ATP9B: variants seen among roughly 807,000 people sequenced by gnomAD.
The protein encoded by ATP9B is probable phospholipid-transporting ATPase IIB.
A neutral mutation model predicts 146.1 loss-of-function variants in ATP9B; 110 were observed. The observed-to-expected ratio is 0.75, with a 90% confidence interval of 0.65 to 0.88. The LOEUF is 0.88. Ranked by LOEUF, ATP9B falls within the 40% of genes least tolerant of loss-of-function variation. The probability of loss-of-function intolerance (pLI) is 0.00; values close to 1 mark genes in which losing one functional copy is unlikely to be tolerated. For missense variants in ATP9B, 1,499 were observed against 1,496.4 expected, an observed-to-expected ratio of 1.00 and a Z score of -0.03; for synonymous variants, 604 against 569.7, an observed-to-expected ratio of 1.06 and a Z score of -0.86.
In ATP9B at chr18:79,269,875, T is replaced by C. The variant is rs762212486; in HGVS notation, c.1269-7179T>C. Among the ~76,000 whole-genome samples, 21 of 152,246 alleles carry C rather than the reference T, an allele frequency of 1.4e-4. 1 individual carries two copies. Among genetic ancestry groups the C allele is most frequent in the Non-Finnish European group, 2.2e-4 (15 of 68,040 alleles). Reference sequence around the variant, plus strand: ...CTGGCCTGCGCCTGCTGGCCCTGCCTTCCCTGAGGCGCATCCTTGCCTCCA... The same window carrying C: ...CTGGCCTGCGCCTGCTGGCCCTGCCCTCCCTGAGGCGCATCCTTGCCTCCA... On this transcript the variant is annotated intron_variant, in intron 12 of 29. Coordinates refer to ENST00000426216, the MANE Select transcript of ATP9B (RefSeq NM_198531.5).
intron 15 of ATP9B, among the ~76,000 whole-genome samples, chr18:79,327,536 AGC>A (rs1226793782): frequency 0.021 from 2,856 of 137,906 alleles, 71 homozygotes; most frequent in Non-Finnish European, 0.028. Context: ...CTCCGTGGTT[AGC>A]GTGCTCTCCG....
intron 1 of ATP9B, among the ~76,000 whole-genome samples, chr18:79,077,033 A>G (rs1369742564): frequency 1.3e-5 from 2 of 152,164 alleles, no homozygotes; most frequent in Admixed American, 1.3e-4. Flanking sequence ...AAGTCTGTTC[A>G]TAATTGTCCA....
chr18:79,263,795 T>C (rs1447544879), intron 12 of ATP9B, among the ~76,000 whole-genome samples: 1 of 152,210 alleles, frequency 6.6e-6, no homozygotes, highest in Non-Finnish European at 1.5e-5. Context: ...ATAAGATATC[T>C]AAGAGCAGGC....
chr18:79,157,207 TACAC>T (rs147810207), intron 7 of ATP9B, among the ~76,000 whole-genome samples: 24,380 of 135,108 alleles, frequency 0.18, 2,575 homozygotes, highest in East Asian at 0.34. Flanking sequence ...CTAAAAAAAA[TACAC>T]ACACACACAC....
chr18:79,237,691 G>GTTT lies in ATP9B; in HGVS notation c.1108-15690_1108-15689insTTT, dbSNP rs1568467207. Among the ~76,000 whole-genome samples the GTTT allele has an allele frequency of 6.1e-3, 665 of 109,698 alleles. 7 individuals are homozygous for GTTT. Among genetic ancestry groups the GTTT allele is most frequent in the African/African-American group, 0.018 (599 of 33,472 alleles). 72.0% of individuals were successfully genotyped at this position (109,698 alleles called of 152,430 possible). On this transcript the variant is annotated intron_variant, in intron 11 of 29. Transcript: ENST00000426216. ...TAAGTATTTGACTTTTTTTTTTTTGGGGGGGGGTGGGGGAAGACAAGGTCT... is the reference window on the plus strand; with the variant it reads ...TAAGTATTTGACTTTTTTTTTTTTGGTTTGGGGGGGTGGGGGAAGACAAGGTCT...
At chr18:79,256,662 T>C (rs1222979183) in intron 12 of ATP9B, among the ~76,000 whole-genome samples, 2 of 152,130 alleles carry the variant, frequency 1.3e-5, no homozygotes, top group African/African-American at 2.4e-5. Context: ...TTTACTCTCC[T>C]CTCAATCAAT....
At chr18:79,299,432 A>T (rs1016090196) in intron 13 of ATP9B, among the ~76,000 whole-genome samples, 36 of 152,310 alleles carry the variant, frequency 2.4e-4, no homozygotes, top group Middle Eastern at 3.4e-3. Flanking sequence ...AACCACTAGT[A>T]AATTCATATG....
chr18:79,171,220 A>C (rs1245317682), intron 7 of ATP9B, among the ~76,000 whole-genome samples: 1 of 152,172 alleles, frequency 6.6e-6, no homozygotes, highest in East Asian at 1.9e-4. Flanking sequence ...TTTAAATCTG[A>C]TTGTTGCTTC....
At chr18:79,280,459 G>A (rs933653701) in intron 13 of ATP9B, among the ~76,000 whole-genome samples, 4 of 152,088 alleles carry the variant, frequency 2.6e-5, no homozygotes, top group Non-Finnish European at 4.4e-5. Context: ...TACATAAAAG[G>A]TTCAATTCAA....
rs745562214 is a variant in ATP9B, at chr18:79,096,586, T to C, written c.230T>C (p.Ile77Thr). The change falls in exon 2 of 30, where the codon ATA (isoleucine) becomes ACA (threonine). Residue 77 changes from isoleucine (I) to threonine (T), a missense_variant. Transcript: ENST00000426216. Reference sequence around the variant, plus strand: ...TACCACACCTTACCACGAGCCAGGATAATGCAAAGGAAAAGAGGACTGGAG... The same window carrying C: ...TACCACACCTTACCACGAGCCAGGACAATGCAAAGGAAAAGAGGACTGGAG... The part of the protein sequence containing the change: ...SDYHTLPRAR[I>T]MQRKRGLEWF... The C allele has an allele frequency of 6.2e-7, 1 of 1,614,074 alleles. No homozygotes were observed.
chr18:79,333,863 C>G (rs2096804876), intron 17 of ATP9B, among the ~76,000 whole-genome samples: 1 of 152,140 alleles, frequency 6.6e-6, no homozygotes, highest in Non-Finnish European at 1.5e-5. Context: ...ATTGTCAACC[C>G]CAGTGTCAGA....
Position 79,329,994 on chromosome 18 carries a change from A to T in ATP9B, c.1936-18A>T. 3 of 1,612,750 alleles carry T rather than the reference A, an allele frequency of 1.9e-6. No individual in the cohort carries two copies. Among genetic ancestry groups the T allele is most frequent in the Non-Finnish European group, 2.5e-6 (3 of 1,178,766 alleles). On this transcript the variant is annotated intron_variant, in intron 16 of 29. Transcript: ENST00000426216. ...ATGCAGCCTAAATGTGCCTCTGTTTATTTTTGTTCTTTGATAGGATGAATC... is the reference window on the plus strand; with the variant it reads ...ATGCAGCCTAAATGTGCCTCTGTTTTTTTTTGTTCTTTGATAGGATGAATC...
chr18:79,200,801 A>AGAGCAGAGGTGGAGGTGGGAAGGTTGGGG (rs1600409329), intron 9 of ATP9B, among the ~76,000 whole-genome samples: 1 of 500 alleles, frequency 2.0e-3, no homozygotes, highest in Admixed American at 0.025. Flanking sequence ...AATTGTTTTC[A>AGAGCAGAGGTGGAGGTGGGAAGGTTGGGG]TCAGAATAGA....
Position 79,096,643 on chromosome 18 carries a change from G to C in ATP9B, c.287G>C (p.Cys96Ser), listed in dbSNP as rs777706676. 6.2e-7 allele frequency: 1 copy of C among 1,612,042 alleles called. No homozygotes were observed. The highest frequency in any genetic ancestry group is 2.2e-5 in the East Asian group (1 of 44,764). The change falls in exon 2 of 30, where the codon TGT becomes TCT. Residue 96 changes from cysteine (C) to serine (S), a missense_variant. By Grantham distance (112) the Cys-to-Ser change is moderately radical (BLOSUM62 -1). Coordinates refer to ENST00000426216, the MANE Select transcript of ATP9B (RefSeq NM_198531.5). The part of the protein sequence containing the change: ...WFVCDGWKFL[C>S]TSCCGWLINI... ...GTCTGTGATGGCTGGAAGTTCCTCT[G>C]TACCAGGTTTGTTATCCATTGCTAC...
In ATP9B at chr18:79,307,149, G is replaced by C; in HGVS notation, c.1688G>C (p.Gly563Ala). 3 of 1,614,192 alleles carry C rather than the reference G, an allele frequency of 1.9e-6. No individual in the cohort carries two copies. Among genetic ancestry groups the C allele is most frequent in the Non-Finnish European group, 2.5e-6 (3 of 1,180,044 alleles). Residue 563 changes from glycine (G) to alanine (A), a missense_variant, in exon 15 of 30, where the codon GGC (glycine) becomes GCC (alanine). Transcript: ENST00000426216. ...ACCCCCGTGTATGAGTCTCGGGCCG[G>C]CGTTACTGAGGAGACTGAGTTCGCA... ...NVTPVYESRAGVTEETEFAEA... is the reference protein window; with the variant it reads ...NVTPVYESRAAVTEETEFAEA...
At chr18:79,092,285 G>A (rs1599468964) in intron 1 of ATP9B, among the ~76,000 whole-genome samples, 1 of 152,132 alleles carries the variant, frequency 6.6e-6, no homozygotes, top group Non-Finnish European at 1.5e-5. Context: ...TAGCCTATAT[G>A]GTATAGCCTA....
chr18:79,077,636 A>AC (rs1346064670), intron 1 of ATP9B, among the ~76,000 whole-genome samples: 2 of 152,242 alleles, frequency 1.3e-5, no homozygotes, highest in Admixed American at 6.5e-5. Context: ...GCAGACCAGA[A>AC]CAAACCAGAA....
intron 4 of ATP9B, among the ~76,000 whole-genome samples, chr18:79,125,523 G>A (rs1408475806): frequency 6.6e-6 from 1 of 152,198 alleles, no homozygotes; most frequent in African/African-American, 2.4e-5. Context: ...CATACATCCA[G>A]TGTTCTGTTA....
chr18:79,082,111 A>G (rs1026959102), intron 1 of ATP9B, among the ~76,000 whole-genome samples: 13 of 151,924 alleles, frequency 8.6e-5, no homozygotes, highest in Admixed American at 7.2e-4. Flanking sequence ...ATTCCTTTTC[A>G]TTCATTTTTC....
Sources: allele counts gnomAD v4.1 joint callset (sites outside exome capture counted in the v4.1 genomes callset), GRCh38; gene constraint gnomAD v4.1.1; transcripts MANE v1.5; gene names NCBI Gene and HGNC (gene_info 2026-07-23, HGNC 2026-07-21).